Variants in HIBADH observed in about 807,000 individuals in gnomAD.
The protein encoded by HIBADH is 3-hydroxyisobutyrate dehydrogenase, also known as 3-hydroxyisobutyrate dehydrogenase, mitochondrial.
In HIBADH, 25 loss-of-function variants were observed where a neutral mutation model predicts 36.1. That is an observed-to-expected ratio of 0.69 (90% CI 0.50 to 0.97). The LOEUF is 0.97. HIBADH is among the 50% of genes least tolerant of loss of function. The probability of loss-of-function intolerance (pLI) is 0.00; values close to 1 mark genes in which losing one functional copy is unlikely to be tolerated. For synonymous variants in HIBADH, 160 were observed against 149.5 expected (o/e 1.07, Z -0.51); for missense variants, 421 against 418.0 (o/e 1.01, Z -0.06).
chr7:27,634,041 C>T (rs116677807), intron 2 of HIBADH, among the ~76,000 whole-genome samples: 1,696 of 152,246 alleles, frequency 0.011, 25 homozygotes, highest in African/African-American at 0.034. Context: ...CAGTTTTCCA[C>T]AAGAGACTAT....
intron 4 of HIBADH, among the ~76,000 whole-genome samples, chr7:27,599,111 G>A (rs1268429727): frequency 6.6e-6 from 1 of 152,038 alleles, no homozygotes; most frequent in African/African-American, 2.4e-5. Flanking sequence ...TACGGAAAGG[G>A]AATAATTAAG....
At chr7:27,569,912 C>T (rs1330873337) in intron 4 of HIBADH, among the ~76,000 whole-genome samples, 1 of 152,174 alleles carries the variant, frequency 6.6e-6, no homozygotes, top group Non-Finnish European at 1.5e-5. Flanking sequence ...GATCATATGG[C>T]AGAGCTGGGA....
intron 4 of HIBADH, among the ~76,000 whole-genome samples, chr7:27,565,855 T>C (rs900959778): frequency 6.6e-6 from 1 of 152,132 alleles, no homozygotes; most frequent in African/African-American, 2.4e-5. Flanking sequence ...TTATCATGAA[T>C]GGATGTTGAA....
intron 4 of HIBADH, among the ~76,000 whole-genome samples, chr7:27,556,282 G>A (rs1449570961): frequency 6.6e-6 from 1 of 152,104 alleles, no homozygotes; most frequent in East Asian, 1.9e-4. Context: ...TGCCTATCAT[G>A]TTTCTTTACT....
At chr7:27,528,520 A>G (rs1022860332) in intron 7 of HIBADH, among the ~76,000 whole-genome samples, 3 of 152,238 alleles carry the variant, frequency 2.0e-5, no homozygotes, top group Non-Finnish European at 2.9e-5. Context: ...AGTGGTCTGG[A>G]TAGATCAAAC....
At chr7:27,635,889 A>T (rs1271798474) in intron 2 of HIBADH, among the ~76,000 whole-genome samples, 1 of 152,240 alleles carries the variant, frequency 6.6e-6, no homozygotes, top group Non-Finnish European at 1.5e-5. Context: ...ACTACAGGAA[A>T]TTGGTTTCTG....
At chr7:27,644,599 C>CAAAA (rs57443714) in intron 2 of HIBADH, among the ~76,000 whole-genome samples, 70,666 of 111,840 alleles carry the variant, frequency 0.63, 22,830 homozygotes, top group East Asian at 0.92. Context: ...GACTCCATCT[C>CAAAA]AAAAAAAAAA....
intron 2 of HIBADH, among the ~76,000 whole-genome samples, chr7:27,643,213 A>G (rs1193348656): frequency 6.6e-6 from 1 of 152,198 alleles, no homozygotes; most frequent in African/African-American, 2.4e-5. Context: ...TGACTTAATG[A>G]AGGTCCTATC....
At chr7:27,626,880 A>G (rs1785658711) in intron 4 of HIBADH, among the ~76,000 whole-genome samples, 4 of 152,172 alleles carry the variant, frequency 2.6e-5, no homozygotes. Flanking sequence ...GAAATTCTTC[A>G]AGTTTTGTTC....
intron 6 of HIBADH, among the ~76,000 whole-genome samples, chr7:27,534,241 CTG>C (rs1428660004): frequency 6.6e-6 from 1 of 152,188 alleles, no homozygotes; most frequent in Admixed American, 6.5e-5. Context: ...TTTATATTAT[CTG>C]TGAGTAATCT....
intron 3 of HIBADH, among the ~76,000 whole-genome samples, chr7:27,630,522 T>C (rs772163821): frequency 9.2e-5 from 14 of 151,812 alleles, no homozygotes; most frequent in Non-Finnish European, 1.6e-4. Context: ...TGAATAAATA[T>C]AAATACTGAA....
At chr7:27,642,018 T>C (rs1398276312) in intron 2 of HIBADH, among the ~76,000 whole-genome samples, 8 of 152,284 alleles carry the variant, frequency 5.3e-5, no homozygotes, top group Admixed American at 3.3e-4. Context: ...CCACTGTGTA[T>C]TGGGGGAGGA....
At chr7:27,630,954 T>G (rs1282195237) in intron 3 of HIBADH, among the ~76,000 whole-genome samples, 2 of 151,970 alleles carry the variant, frequency 1.3e-5, no homozygotes, top group Non-Finnish European at 2.9e-5. Context: ...TTTCAACAAA[T>G]GGAAAATCAT....
At chr7:27,551,887 G>A (rs1470872083) in intron 4 of HIBADH, among the ~76,000 whole-genome samples, 3 of 152,178 alleles carry the variant, frequency 2.0e-5, no homozygotes, top group African/African-American at 7.2e-5. Flanking sequence ...GCTGCAATGT[G>A]AGCCATCTTT....
intron 4 of HIBADH, among the ~76,000 whole-genome samples, chr7:27,605,778 A>C (rs1785214634): frequency 1.3e-5 from 2 of 152,060 alleles, no homozygotes; most frequent in African/African-American, 2.4e-5. Context: ...TATCAGATGT[A>C]GTTTTCAGTC....
intron 4 of HIBADH, among the ~76,000 whole-genome samples, chr7:27,555,607 A>G (rs1784379220): frequency 6.6e-6 from 1 of 152,130 alleles, no homozygotes; most frequent in Non-Finnish European, 1.5e-5. Flanking sequence ...GGTCTCCTGC[A>G]TGTCCATTCA....
At position 27,629,502 on chromosome 7, in the gene HIBADH, T is replaced by C; in HGVS notation, c.363-10A>G. ...GCCCTTCTTCACTTTTCTAAGTAAATAAATAAAAATATTTGTAGTTTACAA... is the reference window on the plus strand; with the variant it reads ...GCCCTTCTTCACTTTTCTAAGTAAACAAATAAAAATATTTGTAGTTTACAA... On this transcript the variant is annotated splice_polypyrimidine_tract_variant and intron_variant, in intron 3 of 7. Transcript: ENST00000265395. 6.5e-7 allele frequency: 1 copy of C among 1,535,636 alleles called. No individual in the cohort carries two copies.
intron 4 of HIBADH, among the ~76,000 whole-genome samples, chr7:27,559,731 C>T (rs1281494461): frequency 1.3e-5 from 2 of 152,158 alleles, no homozygotes; most frequent in Non-Finnish European, 2.9e-5. Context: ...TTTTCTATTT[C>T]TGAATCTTTA....
intron 4 of HIBADH, among the ~76,000 whole-genome samples, chr7:27,576,769 TAAC>T (rs1344298803): frequency 1.3e-5 from 2 of 152,210 alleles, no homozygotes; most frequent in African/African-American, 4.8e-5. Context: ...ACACATTCAT[TAAC>T]AAATTATGAT....
Sources: gnomAD v4.1 joint callset for allele counts (sites outside exome capture counted in the v4.1 genomes callset) on GRCh38, gnomAD v4.1.1 for gene constraint, MANE v1.5 for transcripts, NCBI Gene and HGNC (gene_info 2026-07-23, HGNC 2026-07-21) for gene names.